C8orf34: variants seen among roughly 807,000 people sequenced by gnomAD.
C8orf34 encodes the protein chromosome 8 open reading frame 34, also known as uncharacterized protein C8orf34.
In C8orf34, 65 loss-of-function variants were observed where a neutral mutation model predicts 68.3. The observed-to-expected ratio is 0.95, with a 90% CI of 0.78 to 1.17. The LOEUF (loss-of-function observed/expected upper bound fraction) is 1.17. C8orf34 is among the 50% of genes most tolerant of loss of function. C8orf34 has a pLI of 0.00. For synonymous variants in C8orf34, 244 were observed against 241.2 expected, an observed-to-expected ratio of 1.01 and a Z score of -0.11; for missense variants, 664 against 655.4, an observed-to-expected ratio of 1.01 and a Z score of -0.14.
intron 8 of C8orf34, among the ~76,000 whole-genome samples, chr8:68,708,657 T>G (rs1821243506): frequency 6.6e-6 from 1 of 152,206 alleles, no homozygotes; most frequent in African/African-American, 2.4e-5. Flanking sequence ...GCACACTGTG[T>G]TGGCCTCTTG....
At chr8:68,513,535 T>A (rs1216160481) in intron 5 of C8orf34, among the ~76,000 whole-genome samples, 1 of 152,176 alleles carries the variant, frequency 6.6e-6, no homozygotes, top group East Asian at 1.9e-4. Context: ...CAGTGATACT[T>A]GTGGGGCCTG....
At chr8:68,481,399 C>T (rs1365533859) in intron 4 of C8orf34, among the ~76,000 whole-genome samples, 1 of 152,200 alleles carries the variant, frequency 6.6e-6, no homozygotes, top group Non-Finnish European at 1.5e-5. Flanking sequence ...AGAGCCCCCA[C>T]ACTGAGTCCC....
In C8orf34 at chr8:68,590,219, GAAGGAGGGAAACAA is replaced by G. The variant is rs1341053930; in HGVS notation, c.1106-50147_1106-50134del. On this transcript the variant is annotated intron_variant, in intron 7 of 13. Coordinates refer to ENST00000518698, the MANE Select transcript of C8orf34 (RefSeq NM_052958.4). ...AGAAAGGGGGAGGGAGGGCAGGAAG[GAAGGAGGGAAACAA>G]AAGGAGGGAGAGAGGGAAAAGCAAA... is the stretch of plus-strand genomic sequence containing the variant. Among the ~76,000 whole-genome samples, 6 of 149,172 alleles carry G rather than the reference GAAGGAGGGAAACAA, an allele frequency of 4.0e-5. No homozygotes were observed. In the East Asian group the frequency reaches 1.2e-3, roughly 31 times the overall value.
At chr8:68,404,467 G>C (rs1230399156) in intron 1 of C8orf34, among the ~76,000 whole-genome samples, 2 of 152,056 alleles carry the variant, frequency 1.3e-5, no homozygotes, top group Non-Finnish European at 2.9e-5. Flanking sequence ...TGTCCTGAAT[G>C]GTATTGCCTC....
intron 1 of C8orf34, among the ~76,000 whole-genome samples, chr8:68,395,081 A>T (rs927945993): frequency 2.6e-5 from 4 of 152,112 alleles, no homozygotes; most frequent in African/African-American, 9.7e-5. Context: ...TACCAAGTCA[A>T]GTAACAGAAC....
At chr8:68,747,458 G>C (rs992979274) in intron 10 of C8orf34, among the ~76,000 whole-genome samples, 1 of 144,896 alleles carries the variant, frequency 6.9e-6, no homozygotes, top group Non-Finnish European at 1.5e-5. Flanking sequence ...CCTGTTTGTA[G>C]ACGACATGAT....
At chr8:68,357,473 G>C (rs1015863376) in intron 1 of C8orf34, among the ~76,000 whole-genome samples, 3 of 152,134 alleles carry the variant, frequency 2.0e-5, no homozygotes, top group Non-Finnish European at 4.4e-5. Context: ...CTTCAGATTA[G>C]TAGGGAACAC....
chr8:68,681,829 A>T (rs1284747309), intron 8 of C8orf34, among the ~76,000 whole-genome samples: 1 of 152,198 alleles, frequency 6.6e-6, no homozygotes, highest in Non-Finnish European at 1.5e-5. Context: ...AGTACTATTA[A>T]GCTATAAAAA....
At chr8:68,474,214 A>G (rs1812503176) in intron 4 of C8orf34, among the ~76,000 whole-genome samples, 2 of 152,122 alleles carry the variant, frequency 1.3e-5, no homozygotes, top group South Asian at 2.1e-4. Flanking sequence ...TCCCAATGCC[A>G]TGTTAAACTC....
chr8:68,717,214 T>C (rs965722822), intron 9 of C8orf34, among the ~76,000 whole-genome samples: 5 of 151,896 alleles, frequency 3.3e-5, no homozygotes, highest in African/African-American at 1.2e-4. Flanking sequence ...TTTATAAAGC[T>C]CCAAAAAGCA....
At chr8:68,368,136 T>G (rs1807394519) in intron 1 of C8orf34, among the ~76,000 whole-genome samples, 1 of 152,096 alleles carries the variant, frequency 6.6e-6, no homozygotes, top group South Asian at 2.1e-4. Flanking sequence ...GTGAACACAG[T>G]TTGTAGGGAA....
intron 3 of C8orf34, among the ~76,000 whole-genome samples, chr8:68,466,824 C>T (rs1240879872): frequency 6.8e-6 from 1 of 147,682 alleles, no homozygotes; most frequent in African/African-American, 2.5e-5. Flanking sequence ...GTCACAGGGT[C>T]GGTGCATTTT....
At chr8:68,790,778 A>T in intron 12 of C8orf34, 1 of 659,344 alleles carries the variant, frequency 1.5e-6, no homozygotes, top group Non-Finnish European at 2.7e-6. Context: ...CTACTGGGGT[A>T]CTTGTTTAAC....
intron 7 of C8orf34, among the ~76,000 whole-genome samples, chr8:68,564,003 A>G (rs1386836249): frequency 5.3e-5 from 8 of 152,226 alleles, no homozygotes; most frequent in Non-Finnish European, 4.4e-5. Flanking sequence ...AAAAAGAAAT[A>G]TCTGTACTTT....
chr8:68,657,965 T>C (rs186532656), intron 8 of C8orf34, among the ~76,000 whole-genome samples: 3 of 152,238 alleles, frequency 2.0e-5, no homozygotes. Flanking sequence ...TTTTTTATTA[T>C]GGTCTCAAAT....
intron 1 of C8orf34, among the ~76,000 whole-genome samples, chr8:68,342,366 T>A (rs1401027564): frequency 6.6e-6 from 1 of 152,158 alleles, no homozygotes; most frequent in Non-Finnish European, 1.5e-5. Flanking sequence ...AAACTTTTGC[T>A]CTGTGAAAGA....
intron 1 of C8orf34, among the ~76,000 whole-genome samples, chr8:68,434,238 T>C (rs1810563858): frequency 6.6e-6 from 1 of 152,190 alleles, no homozygotes; most frequent in Admixed American, 6.5e-5. Flanking sequence ...CAACCCATCA[T>C]GTAGGTTTTA....
intron 8 of C8orf34, among the ~76,000 whole-genome samples, chr8:68,689,842 CA>C (rs1820635532): frequency 6.6e-6 from 1 of 151,854 alleles, no homozygotes; most frequent in Admixed American, 6.6e-5. Flanking sequence ...TCTTATTTTG[CA>C]AATGAGAAGT....
intron 4 of C8orf34, among the ~76,000 whole-genome samples, chr8:68,486,644 G>A (rs949898681): frequency 6.6e-6 from 1 of 152,112 alleles, no homozygotes; most frequent in Non-Finnish European, 1.5e-5. Flanking sequence ...GGTTAGTGGT[G>A]TGGGAGATGA....
Sources: allele counts gnomAD v4.1 joint callset (sites outside exome capture counted in the v4.1 genomes callset), GRCh38; gene constraint gnomAD v4.1.1; transcripts MANE v1.5; gene names NCBI Gene and HGNC (gene_info 2026-07-23, HGNC 2026-07-21).